Variants in ERICH1 observed in about 807,000 individuals in gnomAD.
The protein encoded by ERICH1 is glutamate-rich protein 1.
Under a neutral mutation model 39.6 loss-of-function variants are expected in ERICH1, and 56 were observed. The observed-to-expected ratio is 1.41, with a 90% CI of 1.14 to 1.77. The LOEUF is 1.77. Among genes scored for constraint, ERICH1 ranks in the 40% most tolerant of loss-of-function variants. The pLI, the probability that ERICH1 is intolerant of heterozygous loss-of-function variation, is 0.00. For missense variants in ERICH1, 826 were observed against 575.4 expected (o/e 1.44, Z -4.45); for synonymous variants, 313 against 223.6 (o/e 1.40, Z -3.57).
intron 3 of ERICH1, among the ~76,000 whole-genome samples, chr8:624,569 G>C (rs1028490951): frequency 6.6e-6 from 1 of 151,700 alleles, no homozygotes; most frequent in Non-Finnish European, 1.5e-5. Context: ...TCACAGTTCT[G>C]CAGGCTGTAC....
chr8:654,795 C>A (rs556418176), intron 3 of ERICH1, among the ~76,000 whole-genome samples: 82 of 152,230 alleles, frequency 5.4e-4, no homozygotes, highest in African/African-American at 1.9e-3. Context: ...CAGTGGTGTC[C>A]ATGGTGGCAG....
chr8:633,187 G>A (rs12547918), intron 3 of ERICH1, among the ~76,000 whole-genome samples: 28,933 of 152,080 alleles, frequency 0.19, 3,122 homozygotes, highest in Middle Eastern at 0.32. Context: ...AGGACAGACG[G>A]AGGCTGTGCA....
intron 2 of ERICH1, among the ~76,000 whole-genome samples, chr8:696,218 G>C (rs111161369): frequency 2.3e-5 from 1 of 44,350 alleles, no homozygotes; most frequent in Admixed American, 2.1e-4. Context: ...ATCAGCCTGC[G>C]CCTGTGCTGG....
At chr8:618,005 G>C (rs769270225) in intron 3 of ERICH1, among the ~76,000 whole-genome samples, 1 of 147,424 alleles carries the variant, frequency 6.8e-6, no homozygotes, top group Non-Finnish European at 1.5e-5. Flanking sequence ...TAAGTGGTCA[G>C]TACTTGGTGC....
chr8:668,467 T>C (rs1802624769), intron 5 of ERICH1, 131 bp downstream of exon 5: 4 of 838,958 alleles, frequency 4.8e-6, no homozygotes, highest in Non-Finnish European at 5.9e-6. Context: ...TGGGACTCTA[T>C]TCTCCCATGC....
Position 731,153 on chromosome 8 carries a change from C to T in ERICH1, c.9G>A (p.Ala3=), listed in dbSNP as rs1339116300. 2.6e-6 allele frequency: 4 copies of T among 1,515,334 alleles called. No homozygotes were observed. The highest frequency in any genetic ancestry group is 2.7e-5 in the East Asian group (1 of 36,924). The allele number at this position is 1,515,334 out of a possible 1,614,324, so 93.9% of individuals were successfully genotyped here. A position where few individuals can be genotyped will look rare whatever the true frequency, so the allele number is the denominator to read the frequency against. Residue 3 remains alanine, a synonymous_variant, in exon 1 of 6, where the codon GCG becomes GCA. Transcript: ENST00000262109. MA[A]HRKHVFVEKV... ...GCACCCACCTACCGTGCTTCCTGTG[C>T]GCCGCCATGCGGGACCCTGCCGCGG... is the stretch of plus-strand genomic sequence containing the variant.
At chr8:630,811 ACACAGACAGAG>A (rs1797969535) in intron 3 of ERICH1, among the ~76,000 whole-genome samples, 1 of 145,262 alleles carries the variant, frequency 6.9e-6, no homozygotes, top group Non-Finnish European at 1.5e-5. Context: ...GTGACCACCC[ACACAGACAGAG>A]CTGACACACA....
chr8:619,103 G>T (rs1180080097), intron 3 of ERICH1, among the ~76,000 whole-genome samples: 1 of 152,006 alleles, frequency 6.6e-6, no homozygotes, highest in Non-Finnish European at 1.5e-5. Context: ...TGGAAGCTCT[G>T]CTCTCTACAG....
At chr8:671,121 C>T (rs1332404636) in intron 4 of ERICH1, among the ~76,000 whole-genome samples, 5 of 146,722 alleles carry the variant, frequency 3.4e-5, no homozygotes, top group East Asian at 4.1e-4. Context: ...CCCCAGGCTC[C>T]GACCTCTGAA....
downstream of ERICH1, among the ~76,000 whole-genome samples, chr8:663,803 A>G (rs1388510598): frequency 2.0e-5 from 3 of 151,198 alleles, no homozygotes; most frequent in East Asian, 5.8e-4. Flanking sequence ...TCTGTCGCCC[A>G]GGCTGCAGTG....
At chr8:686,460 A>AC (rs1193551136) in intron 3 of ERICH1, among the ~76,000 whole-genome samples, 75 of 151,770 alleles carry the variant, frequency 4.9e-4, no homozygotes, top group African/African-American at 1.1e-3. Context: ...AAAAAAAAAA[A>AC]AAAAACAAAA....
At chr8:728,776 G>A (rs965302458) in intron 1 of ERICH1, among the ~76,000 whole-genome samples, 5 of 152,168 alleles carry the variant, frequency 3.3e-5, no homozygotes, top group Non-Finnish European at 5.9e-5. Context: ...ATAACATAGA[G>A]CACATTTGAG....
chr8:711,547 G>A (rs563419506), intron 2 of ERICH1, among the ~76,000 whole-genome samples: 4 of 150,614 alleles, frequency 2.7e-5, no homozygotes, highest in South Asian at 2.1e-4. Context: ...CACCCAGGCC[G>A]GACTGCAGTG....
intron 3 of ERICH1, among the ~76,000 whole-genome samples, chr8:639,108 C>G (rs527903773): frequency 3.6e-4 from 55 of 152,296 alleles, no homozygotes; most frequent in Non-Finnish European, 6.2e-4. Context: ...GCGTGGCCAC[C>G]TGGCACTGGC....
At chr8:624,560 C>T (rs1259404601) in intron 3 of ERICH1, among the ~76,000 whole-genome samples, 2 of 152,118 alleles carry the variant, frequency 1.3e-5, no homozygotes, top group South Asian at 2.1e-4. Context: ...TCAATTGGCT[C>T]ACAGTTCTGC....
intron 3 of ERICH1, among the ~76,000 whole-genome samples, chr8:655,047 C>T (rs199948236): frequency 6.6e-6 from 1 of 152,320 alleles, no homozygotes; most frequent in East Asian, 1.9e-4. Context: ...CAGCTCACTA[C>T]AGAAAGCCGT....
chr8:698,903 T>G (rs1241042290), intron 2 of ERICH1, among the ~76,000 whole-genome samples: 2 of 150,910 alleles, frequency 1.3e-5, no homozygotes, highest in African/African-American at 4.9e-5. Flanking sequence ...CTGTGAGTTT[T>G]TTTTTTTTTT....
At chr8:729,562 C>T (rs778128762) in intron 1 of ERICH1, among the ~76,000 whole-genome samples, 2 of 152,234 alleles carry the variant, frequency 1.3e-5, no homozygotes, top group African/African-American at 4.8e-5. Flanking sequence ...GCCACTCAGC[C>T]GATGGGCTCT....
intron 2 of ERICH1, among the ~76,000 whole-genome samples, chr8:697,211 T>A (rs550105844): frequency 1.9e-4 from 29 of 152,286 alleles, no homozygotes; most frequent in African/African-American, 6.5e-4. Context: ...CCTGTCTTGG[T>A]GCTGAGGCTC....
Sources: gnomAD v4.1 joint callset for allele counts (sites outside exome capture counted in the v4.1 genomes callset) on GRCh38, gnomAD v4.1.1 for gene constraint, MANE v1.5 for transcripts, NCBI Gene and HGNC (gene_info 2026-07-23, HGNC 2026-07-21) for gene names.